Variants in SCAI observed in about 807,000 individuals in gnomAD.
SCAI encodes the protein suppressor of cancer cell invasion.
In SCAI, 24 loss-of-function variants were observed where a neutral mutation model predicts 92.2. The observed-to-expected ratio is 0.26, with a 90% CI of 0.19 to 0.37. The LOEUF (loss-of-function observed/expected upper bound fraction) is 0.37, where lower values mean the gene tolerates loss of function less well. Ranked by LOEUF, SCAI falls within the 10% of genes least tolerant of loss-of-function variation. The probability of loss-of-function intolerance (pLI) is 1.00; values close to 1 mark genes in which losing one functional copy is unlikely to be tolerated. For synonymous variants in SCAI, 261 were observed against 258.6 expected (o/e 1.01, Z -0.09); for missense variants, 450 against 736.2 (o/e 0.61, Z 4.50).
intron 3 of SCAI, among the ~76,000 whole-genome samples, chr9:125,045,067 A>G (rs1485255893): frequency 2.0e-5 from 3 of 152,194 alleles, no homozygotes; most frequent in Non-Finnish European, 4.4e-5. Context: ...CTGAGCCAGT[A>G]GCATAAGTCA....
At chr9:125,009,121 A>C (rs868422706) in intron 9 of SCAI, among the ~76,000 whole-genome samples, 2 of 152,188 alleles carry the variant, frequency 1.3e-5, no homozygotes, top group Admixed American at 6.5e-5. Context: ...AAGAGTTAAA[A>C]AAGAAATAAG....
chr9:125,083,897 G>A (rs1834269192), intron 2 of SCAI, among the ~76,000 whole-genome samples: 1 of 152,046 alleles, frequency 6.6e-6, no homozygotes, highest in African/African-American at 2.4e-5. Context: ...CAGCAGGAAG[G>A]GAGAATGACG....
At chr9:125,011,604 ACT>A (rs1035370131) in intron 9 of SCAI, among the ~76,000 whole-genome samples, 4 of 152,204 alleles carry the variant, frequency 2.6e-5, no homozygotes, top group African/African-American at 9.7e-5. Flanking sequence ...GTTGGAAAAC[ACT>A]CTGCGGATAT....
At chr9:125,034,151 G>C (rs540989632) in intron 3 of SCAI, among the ~76,000 whole-genome samples, 15 of 152,294 alleles carry the variant, frequency 9.8e-5, no homozygotes, top group African/African-American at 3.4e-4. Context: ...ACTTAAGGGA[G>C]GGAGCTGGCA....
chr9:125,098,463 T>C (rs926821245), intron 2 of SCAI, among the ~76,000 whole-genome samples: 2 of 152,200 alleles, frequency 1.3e-5, no homozygotes, highest in African/African-American at 4.8e-5. Context: ...ACCTTTATTT[T>C]CCACAAAATG....
At chr9:125,129,462 T>C (rs1835351590) in intron 2 of SCAI, among the ~76,000 whole-genome samples, 1 of 128,528 alleles carries the variant, frequency 7.8e-6, no homozygotes, top group African/African-American at 2.9e-5. Context: ...TTCTTTTTTT[T>C]TTTTTTTTTT....
chr9:125,013,034 G>A (rs1564378303), intron 9 of SCAI, among the ~76,000 whole-genome samples: 2 of 152,012 alleles, frequency 1.3e-5, no homozygotes, highest in African/African-American at 2.4e-5. Context: ...AAAGCAGTGT[G>A]TAGAGGGAAA....
chr9:124,994,265 C>CCT (rs1262719750), intron 14 of SCAI, among the ~76,000 whole-genome samples: 1 of 152,160 alleles, frequency 6.6e-6, no homozygotes, highest in Non-Finnish European at 1.5e-5. Flanking sequence ...GAACTCCTGA[C>CCT]CTCAGGTAAT....
Position 125,123,222 on chromosome 9 carries a change from G to T in SCAI, c.98+19411C>A, listed in dbSNP as rs142423779. Among the ~76,000 whole-genome samples the T allele has an allele frequency of 2.2e-3, 338 of 152,288 alleles. 3 individuals are homozygous for T. The highest frequency in any genetic ancestry group is 5.6e-3 in the South Asian group (27 of 4,824). ...AATAAAACTACAAAAAATCAGCCAG[G>T]TGTGGTGGCACGTGCCTGTAGTCCC... On this transcript the variant is annotated intron_variant, in intron 2 of 17. Coordinates refer to ENST00000336505, the MANE Select transcript of SCAI (RefSeq NM_001144877.3).
chr9:124,987,993 CTT>C (rs1365473993), intron 14 of SCAI, among the ~76,000 whole-genome samples: 1 of 151,858 alleles, frequency 6.6e-6, no homozygotes, highest in African/African-American at 2.4e-5. Flanking sequence ...AACAAACACT[CTT>C]TTAAGTGTGA....
At chr9:125,021,454 C>A (rs552108587) in intron 6 of SCAI, among the ~76,000 whole-genome samples, 2 of 152,220 alleles carry the variant, frequency 1.3e-5, no homozygotes, top group Admixed American at 1.3e-4. Flanking sequence ...CATTTTATAT[C>A]ATCTATTGGC....
chr9:125,098,231 A>AT (rs1313408668), intron 2 of SCAI, among the ~76,000 whole-genome samples: 1 of 151,484 alleles, frequency 6.6e-6, no homozygotes, highest in African/African-American at 2.4e-5. Context: ...ATTTTTTTTT[A>AT]TTTTTTGGAG....
chr9:125,115,752 A>C (rs1264115744), intron 2 of SCAI, among the ~76,000 whole-genome samples: 1 of 152,246 alleles, frequency 6.6e-6, no homozygotes, highest in Non-Finnish European at 1.5e-5. Context: ...CAAATGAATA[A>C]AAATAATTTA....
intron 2 of SCAI, among the ~76,000 whole-genome samples, chr9:125,123,700 G>A (rs1008262973): frequency 4.6e-5 from 7 of 152,132 alleles, no homozygotes; most frequent in Non-Finnish European, 8.8e-5. Flanking sequence ...GCTTGAACCC[G>A]AGAGGCAGAG....
At chr9:125,109,030 C>T (rs1834877279) in intron 2 of SCAI, among the ~76,000 whole-genome samples, 2 of 152,320 alleles carry the variant, frequency 1.3e-5, no homozygotes, top group Admixed American at 1.3e-4. Context: ...TTCTTCTGCC[C>T]TGGGATGCTG....
chr9:124,947,259 A>C lies in SCAI; in HGVS notation c.*5548T>G, dbSNP rs1831160348. 2 of 152,212 alleles carry C rather than the reference A, an allele frequency of 1.3e-5. No homozygotes were observed. Among genetic ancestry groups the C allele is most frequent in the Admixed American group, 1.3e-4 (2 of 15,282 alleles). The allele number at this position is 152,212 out of a possible 1,614,324, so 9.4% of individuals were successfully genotyped here. A position where few individuals can be genotyped will look rare whatever the true frequency, so the allele number is the denominator to read the frequency against. ...ACTCAGTAATAATACTTAAATATGG[A>C]TCAAGAAAATAAAGGACTACTACAG... On this transcript the variant is annotated 3_prime_UTR_variant, in exon 18 of 18. Transcript: ENST00000336505.
chr9:124,973,763 G>A (rs1831704076), intron 15 of SCAI, among the ~76,000 whole-genome samples: 1 of 152,206 alleles, frequency 6.6e-6, no homozygotes, highest in Non-Finnish European at 1.5e-5. Context: ...GGGAGGCAGA[G>A]GTTGTAGTGA....
intron 3 of SCAI, among the ~76,000 whole-genome samples, chr9:125,046,187 A>C (rs1387590674): frequency 8.4e-6 from 1 of 119,714 alleles, no homozygotes; most frequent in African/African-American, 3.3e-5. Flanking sequence ...GTGAATAAAG[A>C]AATTGTGAGA....
chr9:125,011,996 T>C (rs1411601629), intron 9 of SCAI, among the ~76,000 whole-genome samples: 2 of 152,120 alleles, frequency 1.3e-5, no homozygotes, highest in Admixed American at 1.3e-4. Flanking sequence ...GATTTTGTCA[T>C]CACCAGGCCT....
Sources: gnomAD v4.1 joint callset for allele counts (sites outside exome capture counted in the v4.1 genomes callset) on GRCh38, gnomAD v4.1.1 for gene constraint, MANE v1.5 for transcripts, NCBI Gene and HGNC (gene_info 2026-07-23, HGNC 2026-07-21) for gene names.